The following TNR variants were observed in gnomAD, a reference collection of about 807,000 sequenced individuals.
TNR encodes the protein tenascin R.
In TNR, 45 loss-of-function variants were observed where a neutral mutation model predicts 150.4. The observed-to-expected ratio is 0.30, with a 90% CI of 0.24 to 0.38. The LOEUF is 0.38. Ranked by LOEUF, TNR falls within the 10% of genes least tolerant of loss-of-function variation. The probability of loss-of-function intolerance (pLI) is 1.00; values close to 1 mark genes in which losing one functional copy is unlikely to be tolerated. For missense variants in TNR, 1,544 were observed against 1,759.1 expected (o/e 0.88, Z 2.19); for synonymous variants, 687 against 678.4 (o/e 1.01, Z -0.20).
intron 1 of TNR, among the ~76,000 whole-genome samples, chr1:175,564,484 T>C (rs1661558299): frequency 6.6e-6 from 1 of 152,234 alleles, no homozygotes; most frequent in South Asian, 2.1e-4. Context: ...ATAATTAATA[T>C]ATCAAATGGT....
chr1:175,495,465 G>T (rs2102143829), intron 2 of TNR, among the ~76,000 whole-genome samples: 1 of 152,316 alleles, frequency 6.6e-6, no homozygotes, highest in South Asian at 2.1e-4. Context: ...CTGCTATCCA[G>T]GGGCTTAGCT....
At chr1:175,616,820 T>C (rs1663791657) in intron 1 of TNR, among the ~76,000 whole-genome samples, 1 of 152,194 alleles carries the variant, frequency 6.6e-6, no homozygotes, top group Non-Finnish European at 1.5e-5. Context: ...CCTGTGTGGC[T>C]GACTGCATGC....
intron 18 of TNR, among the ~76,000 whole-genome samples, chr1:175,344,735 T>C (rs575086977): frequency 8.5e-5 from 13 of 152,302 alleles, no homozygotes; most frequent in African/African-American, 3.1e-4. Flanking sequence ...AAAAAGAATT[T>C]CCAGGCCTAG....
At chr1:175,423,819 C>T (rs1056222125) in intron 2 of TNR, among the ~76,000 whole-genome samples, 7 of 152,114 alleles carry the variant, frequency 4.6e-5, no homozygotes, top group Admixed American at 3.3e-4. Context: ...CTGAAACTCA[C>T]AGAGCTGGAT....
At chr1:175,378,667 G>C (rs1652524496) in intron 9 of TNR, among the ~76,000 whole-genome samples, 1 of 152,210 alleles carries the variant, frequency 6.6e-6, no homozygotes, top group Non-Finnish European at 1.5e-5. Context: ...CTATATAGCA[G>C]GAGGGAAAAC....
Position 175,609,229 on chromosome 1 carries a change from C to T in TNR, c.-164-80860G>A, listed in dbSNP as rs1663515386. Reference sequence around the variant, plus strand: ...GAGAAAGAAGGAAGTTGAATGACATCTGTAACCCAGTTTGACTTATATAAA... The same window carrying T: ...GAGAAAGAAGGAAGTTGAATGACATTTGTAACCCAGTTTGACTTATATAAA... On this transcript the variant is annotated intron_variant, in intron 1 of 22. Coordinates refer to ENST00000367674, the MANE Select transcript of TNR (RefSeq NM_003285.3). Among the ~76,000 whole-genome samples the T allele has an allele frequency of 2.6e-5, 4 of 152,180 alleles. No individual in the cohort carries two copies. The South Asian group carries it at 8.3e-4, about 32-fold the overall frequency.
intron 1 of TNR, among the ~76,000 whole-genome samples, chr1:175,742,465 A>G (rs993257361): frequency 6.6e-6 from 1 of 152,148 alleles, no homozygotes; most frequent in Non-Finnish European, 1.5e-5. Flanking sequence ...ATAAAAGTGG[A>G]GGGTACCTCC....
chr1:175,401,856 T>C (rs558788373), intron 4 of TNR, among the ~76,000 whole-genome samples: 61 of 152,326 alleles, frequency 4.0e-4, no homozygotes, highest in African/African-American at 1.4e-3. Flanking sequence ...TTTTTTATTT[T>C]AAATAATCCC....
At chr1:175,512,996 T>A (rs1557978935) in intron 2 of TNR, among the ~76,000 whole-genome samples, 1 of 152,162 alleles carries the variant, frequency 6.6e-6, no homozygotes, top group Non-Finnish European at 1.5e-5. Flanking sequence ...TGCTATAGAA[T>A]TTCAGGTCAG....
intron 18 of TNR, among the ~76,000 whole-genome samples, chr1:175,343,787 T>C (rs1162153215): frequency 6.6e-6 from 1 of 152,198 alleles, no homozygotes; most frequent in Non-Finnish European, 1.5e-5. Flanking sequence ...TTAGATTTTC[T>C]GAAAACATTT....
chr1:175,555,390 C>G (rs1661112196), intron 1 of TNR, among the ~76,000 whole-genome samples: 1 of 152,000 alleles, frequency 6.6e-6, no homozygotes, highest in African/African-American at 2.4e-5. Flanking sequence ...GAAGAACTCC[C>G]CTGGTATTCT....
chr1:175,647,225 T>C (rs1558052800), intron 1 of TNR, among the ~76,000 whole-genome samples: 1 of 152,168 alleles, frequency 6.6e-6, no homozygotes, highest in African/African-American at 2.4e-5. Context: ...AAAAGGAGCA[T>C]CGTGTTTTCT....
intron 14 of TNR, among the ~76,000 whole-genome samples, chr1:175,360,697 C>T (rs1392332371): frequency 6.6e-6 from 1 of 151,734 alleles, no homozygotes; most frequent in East Asian, 1.9e-4. Flanking sequence ...CACAAAGAAA[C>T]AACCTGCACA....
chr1:175,331,101 C>CTTTCTTTCTTTCTTTCTT (rs1368309847), intron 20 of TNR, among the ~76,000 whole-genome samples: 6 of 98,150 alleles, frequency 6.1e-5, no homozygotes, highest in Non-Finnish European at 1.1e-4. Flanking sequence ...TTCTTTCTTT[C>CTTTCTTTCTTTCTTTCTT]TCTCTCTCTT....
At chr1:175,371,068 G>GA (rs35619633) in intron 9 of TNR, among the ~76,000 whole-genome samples, 78,240 of 145,522 alleles carry the variant, frequency 0.54, 20,946 homozygotes, top group East Asian at 0.72. Context: ...AGTTCTGCTG[G>GA]AAAAAAAAAA....
chr1:175,507,249 C>T (rs552819220), intron 2 of TNR, among the ~76,000 whole-genome samples: 1 of 152,198 alleles, frequency 6.6e-6, no homozygotes, highest in South Asian at 2.1e-4. Flanking sequence ...TATGATGCAC[C>T]CTCAGTGCCA....
chr1:175,411,848 A>G (rs1249435392), intron 2 of TNR, among the ~76,000 whole-genome samples: 1 of 152,146 alleles, frequency 6.6e-6, no homozygotes, highest in Non-Finnish European at 1.5e-5. Context: ...AAGCGGGGAC[A>G]CAATTCAGCC....
chr1:175,370,462 G>A (rs1023521070), intron 9 of TNR, among the ~76,000 whole-genome samples: 4 of 146,276 alleles, frequency 2.7e-5, no homozygotes, highest in Non-Finnish European at 5.9e-5. Context: ...GGTTTGCTGG[G>A]GCTTAGCCTG....
chr1:175,365,274 G>C lies in TNR; in HGVS notation c.2323C>G (p.Arg775Gly), dbSNP rs766381125. The C allele has an allele frequency of 6.2e-7, 1 of 1,602,192 alleles. No homozygotes were observed. Among genetic ancestry groups the C allele is most frequent in the African/African-American group, 1.3e-5 (1 of 74,702 alleles). ...ESTVDAFTGFRPISHLHFSHV... is the reference protein window; with the variant it reads ...ESTVDAFTGFGPISHLHFSHV... ...GAAAAGTGCAGATGAGAGATGGGAC[G>C]GAAGCCTGCAAAGCAAAGGAGATGG... Residue 775 changes from arginine to glycine, a missense_variant, in exon 12 of 23, where the codon CGT becomes GGT. Physicochemically the swap from Arg to Gly is moderately radical, Grantham distance 125 (BLOSUM62 -2). Transcript: ENST00000367674.
Sources: allele counts gnomAD v4.1 joint callset (sites outside exome capture counted in the v4.1 genomes callset), GRCh38; gene constraint gnomAD v4.1.1; transcripts MANE v1.5; gene names NCBI Gene and HGNC (gene_info 2026-07-23, HGNC 2026-07-21).